The following GIT2 variants were observed in gnomAD, a reference collection of about 807,000 sequenced individuals.
GIT2 encodes GIT ArfGAP 2.
Under a neutral mutation model 100.3 loss-of-function variants are expected in GIT2, and 32 were observed. That is an observed-to-expected ratio of 0.32 (90% CI 0.24 to 0.43). GIT2 has a LOEUF of 0.43. Among genes scored for constraint, GIT2 ranks in the 20% least tolerant of loss-of-function variants. The pLI is 1.00. For missense variants in GIT2, 737 were observed against 975.1 expected, an observed-to-expected ratio of 0.76 and a Z score of 3.25; for synonymous variants, 353 against 364.1, an observed-to-expected ratio of 0.97 and a Z score of 0.35.
At chr12:109,969,592 G>A (rs960055699) in intron 7 of GIT2, among the ~76,000 whole-genome samples, 1 of 151,978 alleles carries the variant, frequency 6.6e-6, no homozygotes, top group Admixed American at 6.6e-5. Context: ...TGTCACCCAG[G>A]CTGGAGTACA....
At chr12:109,954,905 A>AT (rs1878977776) in intron 12 of GIT2, among the ~76,000 whole-genome samples, 1 of 151,730 alleles carries the variant, frequency 6.6e-6, no homozygotes, top group South Asian at 2.1e-4. Context: ...TCAAAAAAAA[A>AT]AAAAATAATA....
In GIT2 at chr12:109,983,636, A is replaced by G. The variant is rs764306054; in HGVS notation, c.464T>C (p.Leu155Ser). 6 of 1,612,824 alleles carry G rather than the reference A, an allele frequency of 3.7e-6. No individual in the cohort carries two copies. The Admixed American group carries it at 5.0e-5, about 13-fold the overall frequency. ...NLETCLRLLS[L>S]GAQANFFHPE... ...ATGAAAGAAGTTGGCTTGTGCTCCTAAAGATAACAGTCTCAAACAGGTTTC... is the reference window on the plus strand; with the variant it reads ...ATGAAAGAAGTTGGCTTGTGCTCCTGAAGATAACAGTCTCAAACAGGTTTC... Residue 155 changes from leucine (L) to serine (S), a missense_variant, in exon 5 of 20, where the codon TTA becomes TCA. Transcript: ENST00000355312.
intron 1 of GIT2, among the ~76,000 whole-genome samples, chr12:109,994,217 C>T (rs895806855): frequency 1.3e-5 from 2 of 152,118 alleles, no homozygotes; most frequent in Non-Finnish European, 2.9e-5. Context: ...CTTTAGCATC[C>T]TGGATCAGAA....
chr12:109,996,407 A>C (rs1889443735), upstream of GIT2: 1 of 533,706 alleles, frequency 1.9e-6, no homozygotes, highest in Non-Finnish European at 3.3e-6. Context: ...GGCGAGTGTC[A>C]GGTCATGTGA....
Position 109,954,908 on chromosome 12 carries a change from A to AAAT in GIT2, c.1100-1677_1100-1675dup, listed in dbSNP as rs1015474966. Among the ~76,000 whole-genome samples, 7 of 150,970 alleles carry AAAT rather than the reference A, an allele frequency of 4.6e-5. No homozygotes were observed. The East Asian group carries it at 5.8e-4, about 13-fold the overall frequency. On this transcript the variant is annotated intron_variant, in intron 12 of 19. Transcript: ENST00000355312. ...CGAGACTCTGTCTCAAAAAAAAAAA[A>AAAT]AATAATAATAATAATAAAGGATAGA...
intron 16 of GIT2, chr12:109,939,459 C>T (rs1422690122): frequency 2.3e-6 from 1 of 436,954 alleles, no homozygotes; most frequent in Non-Finnish European, 4.3e-6. Context: ...CTTCTTAGCT[C>T]AGTGGCCACT....
Position 109,944,193 on chromosome 12 carries a change from A to G in GIT2, c.1731+1067T>C, listed in dbSNP as rs536678236. Among the ~76,000 whole-genome samples, 18 of 152,346 alleles carry G rather than the reference A, an allele frequency of 1.2e-4. No individual in the cohort carries two copies. In the South Asian group the frequency reaches 3.7e-3, roughly 32 times the overall value. ...AGACTCTGTCTCTAAAAAATAAAAA[A>G]TAAAAAAACGAATCCTGAAAGGGCC... On this transcript the variant is annotated intron_variant, in intron 16 of 19. Transcript: ENST00000355312.
At chr12:109,971,874 A>G (rs1456532629) in intron 7 of GIT2, among the ~76,000 whole-genome samples, 1 of 151,780 alleles carries the variant, frequency 6.6e-6, no homozygotes, top group Non-Finnish European at 1.5e-5. Context: ...GGCACCTGTA[A>G]TCTCAGCTAC....
At chr12:109,992,033 T>G in intron 1 of GIT2, 1 of 330,806 alleles carries the variant, frequency 3.0e-6, no homozygotes, top group Non-Finnish European at 5.5e-6. Context: ...AGCCCTAATG[T>G]GGATCTACCA....
At chr12:109,991,547 A>G (rs2136971656) in intron 2 of GIT2, 80 bp downstream of exon 2, 2 of 1,110,954 alleles carry the variant, frequency 1.8e-6, no homozygotes, top group Non-Finnish European at 2.7e-6. Flanking sequence ...GAAGAAGTAC[A>G]CCAGGAGAAA....
chr12:109,974,185 T>C (rs778236578), intron 7 of GIT2, among the ~76,000 whole-genome samples: 2 of 152,126 alleles, frequency 1.3e-5, no homozygotes, highest in African/African-American at 2.4e-5. Context: ...CAGTGGAAAA[T>C]ATTTTTTCCC....
At chr12:109,969,778 C>T (rs543775936) in intron 7 of GIT2, among the ~76,000 whole-genome samples, 23 of 151,206 alleles carry the variant, frequency 1.5e-4, no homozygotes, top group East Asian at 3.9e-4. Flanking sequence ...TTTTTTGAGA[C>T]GCGGTCTCAC....
Position 109,934,579 on chromosome 12 carries a change from C to T in GIT2, c.2004-494G>A, listed in dbSNP as rs1163340595. 3.9e-5 allele frequency among the ~76,000 whole-genome samples: 6 copies of T among 152,220 alleles called. No individual in the cohort carries two copies. Among genetic ancestry groups the T allele is most frequent in the African/African-American group, 1.4e-4 (6 of 41,468 alleles). The stretch of plus-strand genomic sequence containing the variant: ...AATATTTTTTTGTAGAGGAGTCCCA[C>T]TATGTCGCCCAGCCTTGTGTTGAAC... On this transcript the variant is annotated intron_variant, in intron 18 of 19. Transcript: ENST00000355312. This position sits in a 1 kb window ranked among gnomAD's most constrained non-coding sequence, Gnocchi z 4.5.
upstream of GIT2, chr12:109,999,712 C>T (rs372382362): frequency 6.5e-4 from 1,003 of 1,536,354 alleles, 3 homozygotes; most frequent in Non-Finnish European, 8.3e-4. This position sits in a 1 kb window ranked among gnomAD's most constrained non-coding sequence, Gnocchi z 4.3. Flanking sequence ...GCGACGCGGG[C>T]GACCACTACC....
At chr12:109,997,034 A>AC (rs1276780849), upstream of GIT2, among the ~76,000 whole-genome samples, 2 of 151,646 alleles carry the variant, frequency 1.3e-5, no homozygotes, top group African/African-American at 4.9e-5. Flanking sequence ...ACATGGTGAA[A>AC]CCCCGTCTCT....
intron 15 of GIT2, among the ~76,000 whole-genome samples, chr12:109,946,846 T>A (rs1355100869): frequency 1.3e-5 from 2 of 152,126 alleles, no homozygotes; most frequent in Non-Finnish European, 2.9e-5. Flanking sequence ...AGGGCTCCAG[T>A]ACTTAAAGGG....
chr12:109,988,013 A>G (rs2136919744), intron 4 of GIT2, among the ~76,000 whole-genome samples: 1 of 152,342 alleles, frequency 6.6e-6, no homozygotes, highest in South Asian at 2.1e-4. Context: ...GGAAACCTGA[A>G]GAAGTCCCCT....
Position 109,947,650 on chromosome 12 carries a change from A to G in GIT2, c.1393-146T>C. The G allele has an allele frequency of 1.4e-6, 1 of 697,176 alleles. No individual in the cohort carries two copies. Among genetic ancestry groups the G allele is most frequent in the South Asian group, 1.8e-5 (1 of 54,656 alleles). 43.2% of individuals were successfully genotyped at this position (697,176 alleles called of 1,614,324 possible). A position where few individuals can be genotyped will look rare whatever the true frequency, so the allele number is the denominator to read the frequency against. On this transcript the variant is annotated intron_variant, in intron 14 of 19. Transcript: ENST00000355312. This position sits in a 1 kb window ranked among gnomAD's most constrained non-coding sequence, Gnocchi z 4.3. Reference sequence around the variant, plus strand: ...TGAAAGTAAAAAGCCAATACAAACAAGGACCCTTTCTTCTGGATTGGGTGA... The same window carrying G: ...TGAAAGTAAAAAGCCAATACAAACAGGGACCCTTTCTTCTGGATTGGGTGA...
intron 7 of GIT2, among the ~76,000 whole-genome samples, chr12:109,974,695 C>T (rs1040669834): frequency 6.6e-6 from 1 of 152,096 alleles, no homozygotes; most frequent in Non-Finnish European, 1.5e-5. Context: ...TATGGTCTAT[C>T]TGGGTGTATG....
Sources: gnomAD v4.1 joint callset for allele counts (sites outside exome capture counted in the v4.1 genomes callset) on GRCh38, gnomAD v4.1.1 for gene constraint, Gnocchi (gnomAD v3.1) non-coding constraint, MANE v1.5 for transcripts, NCBI Gene and HGNC (gene_info 2026-07-23, HGNC 2026-07-21) for gene names.